Variants in GHR observed in about 807,000 individuals in gnomAD.
The protein encoded by GHR is GH receptor.
Under a neutral mutation model 67.1 loss-of-function variants are expected in GHR, and 35 were observed. That is an observed-to-expected ratio of 0.52 (90% confidence interval 0.40 to 0.69). The LOEUF is 0.69. Among genes scored for constraint, GHR ranks in the 30% least tolerant of loss-of-function variants. The probability of loss-of-function intolerance (pLI) is 0.00; values close to 1 mark genes in which losing one functional copy is unlikely to be tolerated. For missense variants in GHR, 792 were observed against 764.6 expected (o/e 1.04, Z -0.42); for synonymous variants, 272 against 269.1 (o/e 1.01, Z -0.10).
chr5:42,665,996 C>G (rs1046265422), intron 3 of GHR, among the ~76,000 whole-genome samples: 1 of 152,116 alleles, frequency 6.6e-6, no homozygotes, highest in African/African-American at 2.4e-5. Flanking sequence ...CACCAGCTCC[C>G]TCTCATGACA....
rs750904107 is a variant in GHR, at chr5:42,718,124, AAC to A, written c.945+4_945+5del. On this transcript the variant is annotated splice_donor_5th_base_variant and intron_variant, in intron 9 of 9. Coordinates refer to ENST00000230882, the MANE Select transcript of GHR (RefSeq NM_000163.5). Reference sequence around the variant, plus strand: ...GAATCGATCCAGATCTCCTCAAGGTAACTAATAATTTTATCTAAATTGTAGCT... The same window carrying A: ...GAATCGATCCAGATCTCCTCAAGGTATAATAATTTTATCTAAATTGTAGCT... 1.4e-6 allele frequency: 2 copies of A among 1,424,354 alleles called. No homozygotes were observed. The highest frequency in any genetic ancestry group is 3.3e-5 in the Admixed American group (2 of 59,818). 88.2% of individuals were successfully genotyped at this position (1,424,354 alleles called of 1,614,324 possible).
At chr5:42,528,044 C>T (rs1358856248) in intron 1 of GHR, among the ~76,000 whole-genome samples, 3 of 152,076 alleles carry the variant, frequency 2.0e-5, no homozygotes, top group Non-Finnish European at 2.9e-5. Flanking sequence ...TGAGAAAGCA[C>T]CCAGTGACCA....
At chr5:42,573,183 T>C (rs999626788) in intron 2 of GHR, among the ~76,000 whole-genome samples, 1 of 152,202 alleles carries the variant, frequency 6.6e-6, no homozygotes, top group African/African-American at 2.4e-5. Flanking sequence ...AATCCTGACC[T>C]TTGATTTCCT....
intron 2 of GHR, among the ~76,000 whole-genome samples, chr5:42,582,724 G>A (rs146809243): frequency 1.1e-4 from 16 of 152,348 alleles, no homozygotes; most frequent in Middle Eastern, 3.4e-3. Flanking sequence ...CTCTTTGGGG[G>A]CTCTGCGGTT....
intron 4 of GHR, among the ~76,000 whole-genome samples, chr5:42,692,250 C>G (rs1231898336): frequency 6.6e-6 from 1 of 151,910 alleles, no homozygotes; most frequent in Non-Finnish European, 1.5e-5. Context: ...TTACTTTTAT[C>G]TAGTTGGTTG....
At chr5:42,463,797 T>A (rs2112059979) in intron 1 of GHR, among the ~76,000 whole-genome samples, 1 of 151,088 alleles carries the variant, frequency 6.6e-6, no homozygotes, top group East Asian at 2.0e-4. Flanking sequence ...ATCGAGACCA[T>A]CCCGGCTAAA....
intron 4 of GHR, 119 bp from the exon 5 acceptor site, chr5:42,694,798 C>A: frequency 1.3e-6 from 1 of 797,288 alleles, no homozygotes; most frequent in Non-Finnish European, 2.2e-6. Flanking sequence ...TACTAAAATA[C>A]CTCTTCACAA....
chr5:42,468,648 A>T (rs1744850230), intron 1 of GHR: 3 of 1,052,698 alleles, frequency 2.8e-6, no homozygotes, highest in East Asian at 2.4e-5. Context: ...TCTTTCTGGG[A>T]CTCCTTGCGC....
intron 1 of GHR, among the ~76,000 whole-genome samples, chr5:42,491,633 CTA>C: frequency 6.6e-6 from 1 of 152,316 alleles, no homozygotes; most frequent in South Asian, 2.1e-4. Context: ...TGTATACATT[CTA>C]TGTTTCTAGA....
chr5:42,676,210 G>A (rs971160688), intron 3 of GHR, among the ~76,000 whole-genome samples: 2 of 152,044 alleles, frequency 1.3e-5, no homozygotes, highest in Non-Finnish European at 2.9e-5. Flanking sequence ...GCTTGAACCT[G>A]GGAGGCGGAG....
intron 1 of GHR, among the ~76,000 whole-genome samples, chr5:42,512,620 T>A (rs1050035183): frequency 5.3e-5 from 8 of 152,140 alleles, no homozygotes; most frequent in Admixed American, 2.6e-4. Context: ...ATAGACAACC[T>A]ACTTGTTTAT....
At chr5:42,592,751 C>CAGTTTATATT (rs200339529) in intron 2 of GHR, among the ~76,000 whole-genome samples, 2,442 of 152,216 alleles carry the variant, frequency 0.016, 66 homozygotes, top group African/African-American at 0.056. Context: ...TATGGTAGAG[C>CAGTTTATATT]AGTTTATATT....
intron 2 of GHR, among the ~76,000 whole-genome samples, chr5:42,601,052 G>C (rs780539709): frequency 1.3e-4 from 19 of 148,136 alleles, no homozygotes; most frequent in Non-Finnish European, 2.5e-4. Context: ...TCAGCCTCCT[G>C]AGTAGCTGGG....
chr5:42,545,554 A>C (rs1166260908), intron 1 of GHR, among the ~76,000 whole-genome samples: 1 of 152,236 alleles, frequency 6.6e-6, no homozygotes, highest in Non-Finnish European at 1.5e-5. Context: ...TCTGTGGAAA[A>C]TGATCATCTT....
At chr5:42,461,242 C>A (rs1311511602) in intron 1 of GHR, among the ~76,000 whole-genome samples, 1 of 152,198 alleles carries the variant, frequency 6.6e-6, no homozygotes, top group East Asian at 1.9e-4. Context: ...CAACCCTAAA[C>A]CCTATCTGTT....
chr5:42,471,450 T>G (rs191475819), intron 1 of GHR, among the ~76,000 whole-genome samples: 2 of 152,216 alleles, frequency 1.3e-5, no homozygotes, highest in Non-Finnish European at 2.9e-5. Context: ...TATACACTTA[T>G]GATGCAAGGA....
At chr5:42,534,222 GTACATGTGTATATGTGTATA>G (rs1272533169) in intron 1 of GHR, among the ~76,000 whole-genome samples, 4 of 118,456 alleles carry the variant, frequency 3.4e-5, no homozygotes, top group African/African-American at 8.4e-5. Flanking sequence ...ATGTATATAT[GTACATGTGTATATGTGTATA>G]TATGTATATA....
chr5:42,670,874 A>ATATATATATATAT (rs1254302009), intron 3 of GHR, among the ~76,000 whole-genome samples: 3 of 91,878 alleles, frequency 3.3e-5, no homozygotes, highest in African/African-American at 1.2e-4. Context: ...TTAAAAAAAA[A>ATATATATATATAT]AAAAAAATAT....
At chr5:42,621,387 T>C (rs747262137) in intron 2 of GHR, among the ~76,000 whole-genome samples, 3 of 152,102 alleles carry the variant, frequency 2.0e-5, no homozygotes, top group Non-Finnish European at 2.9e-5. Context: ...AGCCAAACTC[T>C]AGTATCTGTC....
Sources: allele counts gnomAD v4.1 joint callset (sites outside exome capture counted in the v4.1 genomes callset), GRCh38; gene constraint gnomAD v4.1.1; transcripts MANE v1.5; gene names NCBI Gene and HGNC (gene_info 2026-07-23, HGNC 2026-07-21).